IFTAP: variants seen among roughly 807,000 people sequenced by gnomAD.
IFTAP encodes intraflagellar transport associated protein, also known as intraflagellar transport-associated protein.
IFTAP carries 19 observed loss-of-function variants against 19.4 expected under a neutral mutation model. The observed-to-expected ratio is 0.98, with a 90% CI of 0.68 to 1.44. The LOEUF (loss-of-function observed/expected upper bound fraction) is 1.44. Among genes scored for constraint, IFTAP ranks in the 40% most tolerant of loss-of-function variants. The probability of loss-of-function intolerance (pLI) is 0.00; values close to 1 mark genes in which losing one functional copy is unlikely to be tolerated. For missense variants in IFTAP, 240 were observed against 253.6 expected, an observed-to-expected ratio of 0.95 and a Z score of 0.36; for synonymous variants, 85 against 83.5, an observed-to-expected ratio of 1.02 and a Z score of -0.10.
At chr11:36,647,082 A>G (rs1853516683) in intron 4 of IFTAP, among the ~76,000 whole-genome samples, 1 of 152,104 alleles carries the variant, frequency 6.6e-6, no homozygotes, top group Admixed American at 6.6e-5. Flanking sequence ...CTGCTCAATT[A>G]TCTCCCTATA....
At chr11:36,600,334 G>C (rs1180101188) in intron 1 of IFTAP, among the ~76,000 whole-genome samples, 2 of 152,256 alleles carry the variant, frequency 1.3e-5, no homozygotes, top group Non-Finnish European at 2.9e-5. Flanking sequence ...TAGGAACAGG[G>C]CTTCACAGCA....
intron 1 of IFTAP, among the ~76,000 whole-genome samples, chr11:36,596,897 G>A (rs1410321898): frequency 6.6e-6 from 1 of 152,158 alleles, no homozygotes; most frequent in Non-Finnish European, 1.5e-5. Flanking sequence ...ATTTTCTTGG[G>A]CAAGACATAA....
intron 1 of IFTAP, among the ~76,000 whole-genome samples, chr11:36,606,425 G>A (rs1851694691): frequency 6.6e-6 from 1 of 151,962 alleles, no homozygotes. Flanking sequence ...ATCGCATCAA[G>A]AGCGATACTC....
intron 1 of IFTAP, among the ~76,000 whole-genome samples, chr11:36,605,454 A>G (rs1178799933): frequency 6.6e-6 from 1 of 152,210 alleles, no homozygotes; most frequent in Non-Finnish European, 1.5e-5. Flanking sequence ...GAAAGTAAAC[A>G]TCAAAGGTGT....
intron 2 of IFTAP, among the ~76,000 whole-genome samples, chr11:36,632,687 A>G (rs1446003559): frequency 6.6e-6 from 1 of 151,318 alleles, no homozygotes; most frequent in African/African-American, 2.5e-5. Flanking sequence ...TTACATTTAT[A>G]TAAAGGAGTT....
intron 1 of IFTAP, among the ~76,000 whole-genome samples, chr11:36,599,398 T>G (rs1388502313): frequency 3.3e-5 from 5 of 152,218 alleles, no homozygotes; most frequent in African/African-American, 1.2e-4. Context: ...GATGATAAAA[T>G]GTAATGATCA....
At position 36,644,394 on chromosome 11, in the gene IFTAP, G is replaced by A. The variant is rs111872672; in HGVS notation, c.359-3622G>A. ...GGAGAAATAGGAACACTTTTACACTGTTGGTGGGACTGTAAACTAGTTCAA... is the reference window on the plus strand; with the variant it reads ...GGAGAAATAGGAACACTTTTACACTATTGGTGGGACTGTAAACTAGTTCAA... On this transcript the variant is annotated intron_variant, in intron 4 of 5. Transcript: ENST00000334307. Among the ~76,000 whole-genome samples the A allele has an allele frequency of 4.7e-3, 713 of 152,334 alleles. 4 individuals carry two copies. The highest frequency in any genetic ancestry group is 0.016 in the African/African-American group (656 of 41,590).
intron 5 of IFTAP, among the ~76,000 whole-genome samples, chr11:36,658,422 A>G (rs1021455903): frequency 6.6e-6 from 1 of 152,196 alleles, no homozygotes; most frequent in Non-Finnish European, 1.5e-5. Flanking sequence ...TACTTTACTT[A>G]TAGATAAACT....
chr11:36,642,399 C>T (rs890688577), intron 4 of IFTAP, among the ~76,000 whole-genome samples: 6 of 152,072 alleles, frequency 3.9e-5, no homozygotes, highest in African/African-American at 1.4e-4. Context: ...CAGGACCAGA[C>T]AGATTCACAG....
intron 3 of IFTAP, among the ~76,000 whole-genome samples, chr11:36,635,262 C>A (rs948042765): frequency 2.0e-4 from 30 of 152,160 alleles, no homozygotes; most frequent in Non-Finnish European, 3.7e-4. Flanking sequence ...TATTCCTTTA[C>A]TAGGTCTCAT....
chr11:36,632,103 C>T (rs996253560), intron 2 of IFTAP, among the ~76,000 whole-genome samples: 1 of 151,092 alleles, frequency 6.6e-6, no homozygotes, highest in African/African-American at 2.5e-5. Flanking sequence ...ATCTGTATAG[C>T]CTTGAGCAAG....
chr11:36,645,281 A>T (rs939053187), intron 4 of IFTAP, among the ~76,000 whole-genome samples: 4 of 152,174 alleles, frequency 2.6e-5, no homozygotes, highest in African/African-American at 9.7e-5. Context: ...GACAAATGGC[A>T]TGAATAGCTA....
intron 2 of IFTAP, among the ~76,000 whole-genome samples, chr11:36,620,080 G>A (rs1852239679): frequency 1.3e-5 from 2 of 152,050 alleles, no homozygotes; most frequent in East Asian, 3.9e-4. Flanking sequence ...AAGGGAGCGA[G>A]TAAGGAAGCG....
intron 2 of IFTAP, among the ~76,000 whole-genome samples, chr11:36,621,697 G>A (rs532364559): frequency 6.6e-6 from 1 of 152,040 alleles, no homozygotes; most frequent in Admixed American, 6.6e-5. Context: ...GATTCCTTCT[G>A]TGTTTTAAGC....
intron 2 of IFTAP, among the ~76,000 whole-genome samples, chr11:36,625,017 C>T (rs1402898213): frequency 2.0e-5 from 3 of 152,034 alleles, no homozygotes; most frequent in African/African-American, 7.2e-5. Context: ...TTGTATACAT[C>T]CTTTCTGAAA....
intron 1 of IFTAP, among the ~76,000 whole-genome samples, chr11:36,600,712 C>T (rs1244122960): frequency 6.6e-6 from 1 of 152,134 alleles, no homozygotes; most frequent in African/African-American, 2.4e-5. Flanking sequence ...AAAAGTTCTT[C>T]GAAGTTCATT....
chr11:36,635,204 T>C (rs1852895076), intron 3 of IFTAP, among the ~76,000 whole-genome samples: 1 of 152,202 alleles, frequency 6.6e-6, no homozygotes, highest in Non-Finnish European at 1.5e-5. Context: ...TTTATGGTAT[T>C]TTATTATGCA....
chr11:36,622,426 A>C (rs1297676213), intron 2 of IFTAP, among the ~76,000 whole-genome samples: 1 of 152,156 alleles, frequency 6.6e-6, no homozygotes, highest in Non-Finnish European at 1.5e-5. Context: ...TTTAGGTTGC[A>C]GATATTTAGT....
rs192244558 is a variant in IFTAP, at chr11:36,623,973, A to G, written c.137-9311A>G. ...AATAGAAAAAAATGTAAAATTATAT[A>G]TATGTGTGTATATATATGTGTGTAT... On this transcript the variant is annotated intron_variant, in intron 2 of 5. Transcript: ENST00000334307. Among the ~76,000 whole-genome samples, 8 of 150,936 alleles carry G rather than the reference A, an allele frequency of 5.3e-5. No homozygotes were observed. In the East Asian group the frequency reaches 1.6e-3, roughly 29 times the overall value.
Sources: gnomAD v4.1 joint callset for allele counts (sites outside exome capture counted in the v4.1 genomes callset) on GRCh38, gnomAD v4.1.1 for gene constraint, MANE v1.5 for transcripts, NCBI Gene and HGNC (gene_info 2026-07-23, HGNC 2026-07-21) for gene names.